SCN8A: variants seen among roughly 807,000 people sequenced by gnomAD.
The protein encoded by SCN8A is sodium channel protein type 8 subunit alpha.
In SCN8A, 30 loss-of-function variants were observed where a neutral mutation model predicts 184.1. That is an observed-to-expected ratio of 0.16 (90% CI 0.12 to 0.22). SCN8A has a LOEUF of 0.22. Ranked by LOEUF, SCN8A falls within the 10% of genes least tolerant of loss-of-function variation. The probability of loss-of-function intolerance (pLI) is 1.00; values close to 1 mark genes in which losing one functional copy is unlikely to be tolerated. For synonymous variants in SCN8A, 852 were observed against 907.0 expected (o/e 0.94, Z 1.09); for missense variants, 1,057 against 2,498.9 (o/e 0.42, Z 12.30).
chr12:51,730,488 A>T (rs1408702389), intron 12 of SCN8A, among the ~76,000 whole-genome samples: 1 of 152,206 alleles, frequency 6.6e-6, no homozygotes, highest in African/African-American at 2.4e-5. Context: ...TATTTTTAAG[A>T]TTATTAAATA....
intron 12 of SCN8A, among the ~76,000 whole-genome samples, chr12:51,734,750 G>T (rs1295045597): frequency 6.6e-6 from 1 of 152,228 alleles, no homozygotes; most frequent in Non-Finnish European, 1.5e-5. Flanking sequence ...TAAAAGCAAG[G>T]GCGGCTTTGT....
intron 21 of SCN8A, among the ~76,000 whole-genome samples, chr12:51,782,374 C>T (rs1346657091): frequency 6.6e-6 from 1 of 152,188 alleles, no homozygotes; most frequent in African/African-American, 2.4e-5. Context: ...CTTCTCTGCT[C>T]CCTGCACCTT....
In SCN8A at chr12:51,615,937, G is replaced by T. The variant is rs369240980; in HGVS notation, c.-55+24578G>T. ...GCAGAGATGAGGGTCTGACTGTGTT[G>T]CCCAGGCTGGTCTTAAACTCTTGGC... On this transcript the variant is annotated intron_variant, in intron 1 of 26. Coordinates refer to ENST00000627620, the MANE Select transcript of SCN8A (RefSeq NM_001330260.2). Among the ~76,000 whole-genome samples the T allele has an allele frequency of 1.1e-4, 17 of 152,040 alleles. No homozygotes were observed. The East Asian group carries it at 1.7e-3, about 16-fold the overall frequency.
chr12:51,734,436 C>T (rs775744675), intron 12 of SCN8A, among the ~76,000 whole-genome samples: 18 of 152,164 alleles, frequency 1.2e-4, no homozygotes, highest in Non-Finnish European at 1.9e-4. Flanking sequence ...AAGGGAAGGG[C>T]CAAATTAAAG....
Position 51,765,691 on chromosome 12 carries a change from C to G in SCN8A, c.2565C>G (p.Ala855=), listed in dbSNP as rs1267438332. The change falls in exon 16 of 27, where the codon GCC becomes GCG. Residue 855 remains alanine, a synonymous_variant. Coordinates refer to ENST00000627620, the MANE Select transcript of SCN8A (RefSeq NM_001330260.2). ...SFRLLRVFKL[A]KSWPTLNMLI... ...CTTAGCTCCGAGTCTTCAAATTGGCCAAATCCTGGCCCACCCTGAACATGC... is the reference window on the plus strand; with the variant it reads ...CTTAGCTCCGAGTCTTCAAATTGGCGAAATCCTGGCCCACCCTGAACATGC... 2 of 1,585,068 alleles carry G rather than the reference C, an allele frequency of 1.3e-6. No homozygotes were observed. The highest frequency in any genetic ancestry group is 2.7e-5 in the African/African-American group (2 of 74,024).
chr12:51,601,056 T>C (rs974847248), intron 1 of SCN8A, among the ~76,000 whole-genome samples: 4 of 152,190 alleles, frequency 2.6e-5, no homozygotes, highest in African/African-American at 9.6e-5. Context: ...GCAATCCCAT[T>C]ATAAGTGCAT....
At chr12:51,606,624 A>G (rs571644513) in intron 1 of SCN8A, among the ~76,000 whole-genome samples, 1 of 151,954 alleles carries the variant, frequency 6.6e-6, no homozygotes, top group Non-Finnish European at 1.5e-5. Flanking sequence ...TTCCGAGAAG[A>G]GTGATGGTGG....
intron 10 of SCN8A, 110 bp downstream of exon 10, chr12:51,705,733 C>G (rs1565893851): frequency 1.0e-5 from 10 of 968,696 alleles, no homozygotes; most frequent in Non-Finnish European, 1.5e-5. Context: ...CAAATAGAGG[C>G]CATTGGTCTG....
intron 6 of SCN8A, among the ~76,000 whole-genome samples, chr12:51,699,210 G>C (rs1011239242): frequency 6.6e-6 from 1 of 152,186 alleles, no homozygotes; most frequent in African/African-American, 2.4e-5. Flanking sequence ...TAATATAGCA[G>C]GGAGCATTCC....
At chr12:51,696,442 C>T (rs1255073205) in intron 6 of SCN8A, among the ~76,000 whole-genome samples, 3 of 152,200 alleles carry the variant, frequency 2.0e-5, no homozygotes, top group African/African-American at 7.2e-5. Context: ...AATTCCATTA[C>T]ACTGGAACAA....
At chr12:51,783,326 GT>G (rs1337810354) in intron 21 of SCN8A, among the ~76,000 whole-genome samples, 1 of 151,854 alleles carries the variant, frequency 6.6e-6, no homozygotes, top group Non-Finnish European at 1.5e-5. Flanking sequence ...TTATTCTTTG[GT>G]TTTGGTTCTT....
rs1357645961 is a variant in SCN8A, at chr12:51,812,427, TTAAC to T, written c.*5002_*5005del. ...TACCTCACAGGGGTGTTGTGAGGCTTTAACTAAATGTTTTGTAAAGCGTTTTGAG... is the reference window on the plus strand; with the variant it reads ...TACCTCACAGGGGTGTTGTGAGGCTTTAAATGTTTTGTAAAGCGTTTTGAG... On this transcript the variant is annotated 3_prime_UTR_variant, in exon 27 of 27. Transcript: ENST00000627620. 1 of 152,682 alleles carries T rather than the reference TTAAC, an allele frequency of 6.5e-6. No homozygotes were observed. The highest frequency in any genetic ancestry group is 1.9e-4 in the East Asian group (1 of 5,194). The allele number at this position is 152,682 out of a possible 1,614,324, so 9.5% of individuals were successfully genotyped here.
chr12:51,681,044 T>C (rs1274316359), intron 2 of SCN8A, among the ~76,000 whole-genome samples: 2 of 152,138 alleles, frequency 1.3e-5, no homozygotes, highest in Admixed American at 6.5e-5. Flanking sequence ...ATAAAAATCC[T>C]GTTGTCTGTC....
In SCN8A at chr12:51,662,802, G is replaced by C; in HGVS notation, c.-16G>C. The C allele has an allele frequency of 2.5e-6, 4 of 1,612,210 alleles. No individual in the cohort carries two copies. In the East Asian group the frequency reaches 8.9e-5, roughly 36 times the overall value. On this transcript the variant is annotated 5_prime_UTR_variant, in exon 2 of 27. Transcript: ENST00000627620. The stretch of plus-strand genomic sequence containing the variant: ...TGGACGCAGCATAACTAACGAAGCT[G>C]CTGCAGGATGAGAAGATGGCAGCGC...
intron 24 of SCN8A, 122 bp downstream of exon 24, chr12:51,789,540 C>T: frequency 8.9e-7 from 1 of 1,118,474 alleles, no homozygotes; most frequent in East Asian, 2.4e-5. Context: ...TGTTAGCTCA[C>T]TGTGACCCTG....
intron 21 of SCN8A, among the ~76,000 whole-genome samples, chr12:51,782,307 C>T (rs966922174): frequency 4.6e-5 from 7 of 152,200 alleles, no homozygotes; most frequent in South Asian, 2.1e-4. Flanking sequence ...GAGTTTATTA[C>T]ACAAGATTCA....
At chr12:51,626,779 T>A (rs1268219449) in intron 1 of SCN8A, among the ~76,000 whole-genome samples, 3 of 150,986 alleles carry the variant, frequency 2.0e-5, no homozygotes, top group African/African-American at 4.8e-5. Flanking sequence ...TCTGGATTTT[T>A]AAAAAGATTT....
chr12:51,598,994 G>T (rs1254889733), intron 1 of SCN8A, among the ~76,000 whole-genome samples: 1 of 152,060 alleles, frequency 6.6e-6, no homozygotes, highest in Admixed American at 6.6e-5. Context: ...GTTAGTTTGG[G>T]CTGAAGCAGC....
At chr12:51,604,134 C>T (rs535115417) in intron 1 of SCN8A, among the ~76,000 whole-genome samples, 1 of 152,034 alleles carries the variant, frequency 6.6e-6, no homozygotes, top group South Asian at 2.1e-4. Context: ...TATAAGAACT[C>T]TTTGTCAAAT....
Sources: gnomAD v4.1 joint callset for allele counts (sites outside exome capture counted in the v4.1 genomes callset) on GRCh38, gnomAD v4.1.1 for gene constraint, MANE v1.5 for transcripts, NCBI Gene and HGNC (gene_info 2026-07-23, HGNC 2026-07-21) for gene names.